The following ACVR1C variants were observed in gnomAD, a reference collection of about 807,000 sequenced individuals.
ACVR1C encodes activin A receptor type 1C, also known as activin receptor type-1C.
ACVR1C carries 23 observed loss-of-function variants against 57.9 expected under a neutral mutation model. The observed-to-expected ratio is 0.40, with a 90% CI of 0.29 to 0.56. The LOEUF is 0.56. ACVR1C is among the 20% of genes least tolerant of loss of function. ACVR1C has a pLI of 0.50. For missense variants in ACVR1C, 480 were observed against 607.9 expected, an observed-to-expected ratio of 0.79 and a Z score of 2.21; for synonymous variants, 214 against 215.3, an observed-to-expected ratio of 0.99 and a Z score of 0.05.
At chr2:157,550,019 A>G (rs1266022278) in intron 4 of ACVR1C, 143 bp downstream of exon 4, 6 of 738,760 alleles carry the variant, frequency 8.1e-6, no homozygotes, top group Non-Finnish European at 1.1e-5. Context: ...AAAAAAAAAG[A>G]AAGAAAAGGA....
intron 8 of ACVR1C, among the ~76,000 whole-genome samples, chr2:157,535,521 T>C (rs1465624354): frequency 3.9e-5 from 6 of 152,102 alleles, no homozygotes; most frequent in Admixed American, 3.9e-4. Flanking sequence ...CAATAAAATA[T>C]CTTGATATCA....
intron 1 of ACVR1C, among the ~76,000 whole-genome samples, chr2:157,602,791 A>G: frequency 6.6e-6 from 1 of 152,214 alleles, no homozygotes; most frequent in Non-Finnish European, 1.5e-5. Context: ...AAACACATTC[A>G]AATATTAATA....
intron 4 of ACVR1C, 127 bp from the exon 5 acceptor site, chr2:157,544,739 T>C (rs1238523453): frequency 2.7e-6 from 2 of 730,828 alleles, no homozygotes; most frequent in Admixed American, 3.2e-5. Flanking sequence ...TGGTAATGCT[T>C]ACAGTCCAAG....
chr2:157,622,439 T>C (rs1180158677), intron 1 of ACVR1C, among the ~76,000 whole-genome samples: 1 of 151,982 alleles, frequency 6.6e-6, no homozygotes, highest in African/African-American at 2.4e-5. Flanking sequence ...TGCAACAGAA[T>C]AAAGAACCCA....
chr2:157,542,925 T>C, intron 5 of ACVR1C, 63 bp from the exon 6 acceptor site: 1 of 1,504,542 alleles, frequency 6.6e-7, no homozygotes, highest in Middle Eastern at 2.1e-4. Flanking sequence ...AGAGAAATCA[T>C]CCTGAAGACT....
chr2:157,579,192 A>G (rs142264866), intron 2 of ACVR1C, among the ~76,000 whole-genome samples: 3 of 152,212 alleles, frequency 2.0e-5, no homozygotes, highest in African/African-American at 7.2e-5. Context: ...TTGAGCTGTT[A>G]CCTTTGCAGA....
intron 2 of ACVR1C, among the ~76,000 whole-genome samples, chr2:157,560,607 T>A (rs1275014159): frequency 1.3e-5 from 2 of 152,204 alleles, no homozygotes; most frequent in African/African-American, 4.8e-5. Context: ...AGAACTCAGC[T>A]GCATCAACCA....
intron 4 of ACVR1C, among the ~76,000 whole-genome samples, chr2:157,545,369 A>G (rs1029975163): frequency 1.3e-5 from 2 of 152,252 alleles, no homozygotes; most frequent in African/African-American, 2.4e-5. Context: ...CTATCTGGCC[A>G]GATGCTGTAT....
At chr2:157,597,512 C>T (rs146542428) in intron 1 of ACVR1C, 2 of 985,434 alleles carry the variant, frequency 2.0e-6, no homozygotes, top group East Asian at 1.1e-4. Context: ...AATTCGGCCC[C>T]GACGACAGCT....
intron 1 of ACVR1C, among the ~76,000 whole-genome samples, chr2:157,595,274 G>C (rs1166885924): frequency 6.6e-6 from 1 of 152,210 alleles, no homozygotes; most frequent in African/African-American, 2.4e-5. Context: ...CAAGGCATGA[G>C]TGGGCAACAG....
At chr2:157,581,910 G>T (rs1047199201) in intron 2 of ACVR1C, among the ~76,000 whole-genome samples, 1 of 152,180 alleles carries the variant, frequency 6.6e-6, no homozygotes, top group African/African-American at 2.4e-5. Context: ...ATCCCTACAG[G>T]CAGAGGGGGA....
chr2:157,551,877 C>G (rs923550863), intron 3 of ACVR1C, among the ~76,000 whole-genome samples: 5 of 152,156 alleles, frequency 3.3e-5, no homozygotes, highest in Admixed American at 6.5e-5. Context: ...TAAATAAGCA[C>G]AGACTACAAA....
intron 2 of ACVR1C, among the ~76,000 whole-genome samples, chr2:157,577,972 G>A (rs1029205342): frequency 6.6e-6 from 1 of 152,024 alleles, no homozygotes; most frequent in Non-Finnish European, 1.5e-5. Flanking sequence ...GTGTGAGCAC[G>A]GCTCACTGCA....
At chr2:157,543,598 A>G (rs1687670559) in intron 5 of ACVR1C, among the ~76,000 whole-genome samples, 1 of 152,230 alleles carries the variant, frequency 6.6e-6, no homozygotes, top group South Asian at 2.1e-4. Flanking sequence ...CTACATACAC[A>G]AAAACCTTTG....
At chr2:157,556,031 T>G in intron 3 of ACVR1C, 62 bp downstream of exon 3, 2 of 1,529,046 alleles carry the variant, frequency 1.3e-6, no homozygotes, top group Non-Finnish European at 1.8e-6. Context: ...GTTAAAAAGT[T>G]TTTATTTACT....
intron 8 of ACVR1C, among the ~76,000 whole-genome samples, chr2:157,537,581 A>G (rs960343220): frequency 1.3e-5 from 2 of 152,066 alleles, no homozygotes; most frequent in Non-Finnish European, 2.9e-5. Flanking sequence ...AGAAACATGA[A>G]GGAAGAGAAA....
At chr2:157,595,557 A>G (rs1395053380) in intron 1 of ACVR1C, among the ~76,000 whole-genome samples, 2 of 152,252 alleles carry the variant, frequency 1.3e-5, no homozygotes, top group East Asian at 3.8e-4. Flanking sequence ...ATGGTTCCAC[A>G]TCAAACTGTT....
At chr2:157,590,176 G>A (rs1417864061) in intron 1 of ACVR1C, among the ~76,000 whole-genome samples, 1 of 151,854 alleles carries the variant, frequency 6.6e-6, no homozygotes, top group African/African-American at 2.4e-5. Flanking sequence ...ATAAATAAAT[G>A]TATTATTAAT....
At chr2:157,609,591 A>T (rs1682485936) in intron 1 of ACVR1C, among the ~76,000 whole-genome samples, 1 of 151,944 alleles carries the variant, frequency 6.6e-6, no homozygotes, top group African/African-American at 2.4e-5. Flanking sequence ...CTATTATTGT[A>T]TTGCAGTCTT....
Sources: allele counts gnomAD v4.1 joint callset (sites outside exome capture counted in the v4.1 genomes callset), GRCh38; gene constraint gnomAD v4.1.1; transcripts MANE v1.5; gene names NCBI Gene and HGNC (gene_info 2026-07-23, HGNC 2026-07-21).